CPQ: variants seen among roughly 807,000 people sequenced by gnomAD.
CPQ encodes carboxypeptidase Q, also known as Ser-Met dipeptidase.
Under a neutral mutation model 45.7 loss-of-function variants are expected in CPQ, and 37 were observed. That is an observed-to-expected ratio of 0.81 (90% CI 0.62 to 1.07). The LOEUF (loss-of-function observed/expected upper bound fraction) is 1.07, where lower values mean the gene tolerates loss of function less well. Ranked by LOEUF, CPQ falls within the 50% of genes least tolerant of loss-of-function variation. The probability of loss-of-function intolerance (pLI) is 0.00; values close to 1 mark genes in which losing one functional copy is unlikely to be tolerated. For missense variants in CPQ, 537 were observed against 572.9 expected (o/e 0.94, Z 0.64); for synonymous variants, 186 against 205.8 (o/e 0.90, Z 0.82).
chr8:96,703,021 A>G (rs1395659327), intron 1 of CPQ, among the ~76,000 whole-genome samples: 5 of 152,328 alleles, frequency 3.3e-5, no homozygotes, highest in African/African-American at 1.2e-4. Context: ...TACAATGTTA[A>G]TGAATCAATA....
intron 1 of CPQ, among the ~76,000 whole-genome samples, chr8:96,683,711 C>T (rs1202899069): frequency 6.6e-6 from 1 of 150,612 alleles, no homozygotes; most frequent in African/African-American, 2.4e-5. Context: ...TTCCTTCATT[C>T]TTTTAAATCC....
intron 7 of CPQ, among the ~76,000 whole-genome samples, chr8:97,093,377 G>A (rs576787890): frequency 2.8e-4 from 43 of 152,202 alleles, no homozygotes; most frequent in African/African-American, 8.9e-4. Flanking sequence ...TATTTTCATC[G>A]CAGCACTATT....
At chr8:96,763,874 C>T (rs1452095298) in intron 1 of CPQ, among the ~76,000 whole-genome samples, 4 of 152,136 alleles carry the variant, frequency 2.6e-5, no homozygotes, top group East Asian at 1.9e-4. Context: ...AAAAGACTGA[C>T]CATATCAAGT....
chr8:97,034,836 G>A (rs566121320), intron 6 of CPQ, among the ~76,000 whole-genome samples: 1 of 151,302 alleles, frequency 6.6e-6, no homozygotes, highest in African/African-American at 2.4e-5. Context: ...TCACTAAACA[G>A]TATGGTTTTG....
At chr8:96,989,907 G>T (rs1809059252) in intron 5 of CPQ, among the ~76,000 whole-genome samples, 1 of 152,118 alleles carries the variant, frequency 6.6e-6, no homozygotes, top group Non-Finnish European at 1.5e-5. Flanking sequence ...GTCTATGCAA[G>T]ACATGGCCCA....
At chr8:96,999,438 T>A (rs1244680591) in intron 5 of CPQ, among the ~76,000 whole-genome samples, 1 of 151,986 alleles carries the variant, frequency 6.6e-6, no homozygotes, top group Non-Finnish European at 1.5e-5. Context: ...CCCCTCTACA[T>A]GTTCATGTGT....
At chr8:96,928,099 C>T (rs1812917148) in intron 4 of CPQ, among the ~76,000 whole-genome samples, 1 of 152,136 alleles carries the variant, frequency 6.6e-6, no homozygotes, top group African/African-American at 2.4e-5. Flanking sequence ...TTACAACCAA[C>T]CAATTACTCA....
intron 2 of CPQ, among the ~76,000 whole-genome samples, chr8:96,832,524 A>G (rs1005267809): frequency 6.6e-6 from 1 of 152,128 alleles, no homozygotes; most frequent in East Asian, 1.9e-4. Context: ...AATGGAGGAA[A>G]TTACAGTTTA....
At chr8:96,749,698 T>C (rs116009134) in intron 1 of CPQ, among the ~76,000 whole-genome samples, 1,796 of 152,274 alleles carry the variant, frequency 0.012, 40 homozygotes, top group African/African-American at 0.039. Context: ...AGAAAGTGTT[T>C]AGTACTGGGT....
intron 2 of CPQ, among the ~76,000 whole-genome samples, chr8:96,786,415 T>C (rs1439673440): frequency 6.6e-6 from 1 of 152,180 alleles, no homozygotes; most frequent in Non-Finnish European, 1.5e-5. Context: ...TTTTTATTTA[T>C]CCATGCATCA....
At chr8:96,906,107 G>A (rs1812572859) in intron 4 of CPQ, among the ~76,000 whole-genome samples, 1 of 152,108 alleles carries the variant, frequency 6.6e-6, no homozygotes, top group Non-Finnish European at 1.5e-5. Context: ...TATGGAGGGG[G>A]CATCTGGGCT....
intron 5 of CPQ, among the ~76,000 whole-genome samples, chr8:97,024,150 C>T (rs892734427): frequency 1.3e-5 from 2 of 152,114 alleles, no homozygotes; most frequent in Admixed American, 6.5e-5. Flanking sequence ...GCCCAGATTC[C>T]GCCCTTCTTT....
chr8:96,946,600 A>G (rs1051628967), intron 4 of CPQ, among the ~76,000 whole-genome samples: 1 of 72,554 alleles, frequency 1.4e-5, no homozygotes, highest in African/African-American at 5.5e-5. Context: ...CCCCCACCCC[A>G]CAACAGTCCC....
intron 3 of CPQ, among the ~76,000 whole-genome samples, chr8:96,868,762 A>G (rs1448640522): frequency 6.6e-6 from 1 of 152,084 alleles, no homozygotes; most frequent in Non-Finnish European, 1.5e-5. Context: ...CATAGTTTAC[A>G]TACAACTTGA....
intron 1 of CPQ, among the ~76,000 whole-genome samples, chr8:96,715,597 C>T (rs575673078): frequency 3.3e-4 from 51 of 152,258 alleles, no homozygotes; most frequent in Non-Finnish European, 3.7e-4. Flanking sequence ...TCCCCTTCTC[C>T]AAGACCCTTC....
chr8:97,074,899 C>T (rs1319575467), intron 7 of CPQ, among the ~76,000 whole-genome samples: 1 of 152,026 alleles, frequency 6.6e-6, no homozygotes, highest in Admixed American at 6.6e-5. Flanking sequence ...TCTTGCAGGG[C>T]AGTGGGCAAT....
At chr8:96,940,853 G>A (rs1260540950) in intron 4 of CPQ, among the ~76,000 whole-genome samples, 1 of 151,984 alleles carries the variant, frequency 6.6e-6, no homozygotes, top group African/African-American at 2.4e-5. Context: ...TCTCTTTATC[G>A]ATGCCTTCAG....
chr8:97,048,734 G>A (rs1586514488), intron 6 of CPQ, among the ~76,000 whole-genome samples: 1 of 152,222 alleles, frequency 6.6e-6, no homozygotes, highest in South Asian at 2.1e-4. Context: ...TACAACAGAG[G>A]TGGAACGGAA....
intron 1 of CPQ, among the ~76,000 whole-genome samples, chr8:96,727,939 A>G (rs1248890759): frequency 6.6e-6 from 1 of 152,212 alleles, no homozygotes; most frequent in East Asian, 1.9e-4. Flanking sequence ...ATGCAGGCCA[A>G]ATGAAATATT....
Sources: gnomAD v4.1 joint callset for allele counts (sites outside exome capture counted in the v4.1 genomes callset) on GRCh38, gnomAD v4.1.1 for gene constraint, MANE v1.5 for transcripts, NCBI Gene and HGNC (gene_info 2026-07-23, HGNC 2026-07-21) for gene names.